EPAS1: variants seen among roughly 807,000 people sequenced by gnomAD.
The protein encoded by EPAS1 is endothelial PAS domain protein 1.
EPAS1 carries 23 observed loss-of-function variants against 87.9 expected under a neutral mutation model. The ratio of observed to expected loss-of-function variants is 0.26; its 90% CI spans 0.19 to 0.37. EPAS1 has a LOEUF of 0.37. EPAS1 is among the 10% of genes least tolerant of loss of function. The pLI is 1.00. For missense variants in EPAS1, 1,138 were observed against 1,120.7 expected (o/e 1.02, Z -0.22); for synonymous variants, 508 against 444.3 (o/e 1.14, Z -1.80).
At chr2:46,355,987 C>A in intron 2 of EPAS1, 164 bp from the exon 3 acceptor site, 1 of 741,686 alleles carries the variant, frequency 1.3e-6, no homozygotes, top group Non-Finnish European at 2.4e-6. Flanking sequence ...TGCAGTGGTG[C>A]CTGCTGCCAG....
At position 46,380,074 on chromosome 2, in the gene EPAS1, T is replaced by G. The variant is rs1684852103; in HGVS notation, c.1555-153T>G. The stretch of plus-strand genomic sequence containing the variant: ...TACATGACACAGCCAAGTCTGAGGT[T>G]TTCCTGATAGGCCCTCGGGAGCCAG... On this transcript the variant is annotated intron_variant, in intron 11 of 15. Transcript: ENST00000263734. The surrounding 1 kb of genome is among the most constrained non-coding windows in gnomAD (Gnocchi z 4.4). 8.7e-6 allele frequency: 11 copies of G among 1,270,414 alleles called. No individual in the cohort carries two copies. The highest frequency in any genetic ancestry group is 2.1e-4 in the Middle Eastern group (1 of 4,832). 78.7% of individuals were successfully genotyped at this position (1,270,414 alleles called of 1,614,324 possible). A position where few individuals can be genotyped will look rare whatever the true frequency, so the allele number is the denominator to read the frequency against.
At chr2:46,327,014 T>C (rs149432456) in intron 1 of EPAS1, among the ~76,000 whole-genome samples, 1 of 152,336 alleles carries the variant, frequency 6.6e-6, no homozygotes, top group African/African-American at 2.4e-5. Context: ...CTGTTGTACC[T>C]ATGTCAGTAG....
At chr2:46,379,540 G>T (rs182142988) in intron 11 of EPAS1, among the ~76,000 whole-genome samples, 1 of 152,304 alleles carries the variant, frequency 6.6e-6, no homozygotes, top group African/African-American at 2.4e-5. Flanking sequence ...GCTCCTTAAA[G>T]ATTGCTTAGT....
chr2:46,382,305 G>A, intron 14 of EPAS1, 120 bp from the exon 15 acceptor site: 1 of 1,349,090 alleles, frequency 7.4e-7, no homozygotes, highest in Non-Finnish European at 1.1e-6. Flanking sequence ...GGTCCTGAAG[G>A]TTGGCTGTAG....
At chr2:46,298,075 AG>A in intron 1 of EPAS1, 138 bp downstream of exon 1, 1 of 1,100,116 alleles carries the variant, frequency 9.1e-7, no homozygotes, top group Non-Finnish European at 1.3e-6. Context: ...GAGGGCTGTG[AG>A]GGGGAGAGCA....
chr2:46,338,732 G>A (rs1218928043), intron 1 of EPAS1, among the ~76,000 whole-genome samples: 1 of 152,216 alleles, frequency 6.6e-6, no homozygotes, highest in African/African-American at 2.4e-5. Context: ...AGGAAGAGAA[G>A]CAGCCTAGAG....
intron 2 of EPAS1, among the ~76,000 whole-genome samples, chr2:46,353,756 GGT>G (rs1234226245): frequency 6.6e-6 from 1 of 152,232 alleles, no homozygotes; most frequent in Non-Finnish European, 1.5e-5. Flanking sequence ...GCAGGGATCA[GGT>G]GTGCGTATGT....
intron 1 of EPAS1, among the ~76,000 whole-genome samples, chr2:46,302,644 A>G (rs1683030905): frequency 6.6e-6 from 1 of 151,670 alleles, no homozygotes; most frequent in African/African-American, 2.4e-5. Context: ...CTTGTATTCA[A>G]CACCGACTCC....
chr2:46,302,757 A>AAG (rs1465144393), intron 1 of EPAS1, among the ~76,000 whole-genome samples: 1 of 143,466 alleles, frequency 7.0e-6, no homozygotes. Flanking sequence ...AAAAAAAAAA[A>AAG]AGAGATACAA....
intron 2 of EPAS1, among the ~76,000 whole-genome samples, chr2:46,348,227 A>T (rs1310990534): frequency 6.6e-6 from 1 of 152,224 alleles, no homozygotes; most frequent in Non-Finnish European, 1.5e-5. Flanking sequence ...ATGTGCAGAC[A>T]AGAGCAGGAG....
At chr2:46,367,638 A>G (rs951053207) in intron 6 of EPAS1, among the ~76,000 whole-genome samples, 4 of 152,258 alleles carry the variant, frequency 2.6e-5, no homozygotes, top group Admixed American at 2.0e-4. Context: ...CTCAGGGCCA[A>G]GCGACGGGAC....
chr2:46,366,046 G>A (rs79816041), intron 6 of EPAS1, among the ~76,000 whole-genome samples: 7 of 152,308 alleles, frequency 4.6e-5, no homozygotes, highest in African/African-American at 1.4e-4. Flanking sequence ...TCCTTTACTC[G>A]TGTAGGGAAC....
In EPAS1 at chr2:46,337,787, A is replaced by G. The variant is rs1341538282; in HGVS notation, c.27-9086A>G. 3.3e-5 allele frequency among the ~76,000 whole-genome samples: 5 copies of G among 152,308 alleles called. No individual in the cohort carries two copies. The East Asian group carries it at 9.6e-4, about 29-fold the overall frequency. On this transcript the variant is annotated intron_variant, in intron 1 of 15. Transcript: ENST00000263734. ...CTTCAAGCCCAGAGAGGTGGCACCAAAGAAAACAGTCTGGTGAGAAGGAAA... is the reference window on the plus strand; with the variant it reads ...CTTCAAGCCCAGAGAGGTGGCACCAGAGAAAACAGTCTGGTGAGAAGGAAA...
At chr2:46,331,910 C>G (rs1683682833) in intron 1 of EPAS1, among the ~76,000 whole-genome samples, 1 of 152,132 alleles carries the variant, frequency 6.6e-6, no homozygotes, top group Admixed American at 6.5e-5. Context: ...GGCTTAAAGT[C>G]TTTCTCTGCT....
rs1175554184 is a variant in EPAS1 at position 46,378,023 on chromosome 2, C to G, written c.1379C>G (p.Pro460Arg). The change falls in exon 10 of 16, where the codon CCC (proline) becomes CGC (arginine). Residue 460 changes from proline to arginine, a missense_variant. This residue lies in a region of EPAS1 where 284 missense variants were observed against 258.4 expected (regional missense o/e 1.10). Transcript: ENST00000263734. ...GGGAGCCTGCCTGCCTTCACCGTGC[C>G]CCAGGCAGCTGCCCCGGGCAGCACC... is the stretch of plus-strand genomic sequence containing the variant. Reference protein sequence around the residue: ...EAGSLPAFTVPQAAAPGSTTP... With the variant: ...EAGSLPAFTVRQAAAPGSTTP... The G allele has an allele frequency of 6.2e-7, 1 of 1,603,598 alleles. No homozygotes were observed. Among genetic ancestry groups the G allele is most frequent in the Non-Finnish European group, 8.5e-7 (1 of 1,175,938 alleles).
chr2:46,384,954 C>G lies in EPAS1; in HGVS notation c.*294C>G. 2.3e-6 allele frequency: 1 copy of G among 431,566 alleles called. No individual in the cohort carries two copies. The highest frequency in any genetic ancestry group is 4.3e-6 in the Non-Finnish European group (1 of 231,378). 26.7% of individuals were successfully genotyped at this position (431,566 alleles called of 1,614,324 possible). On this transcript the variant is annotated 3_prime_UTR_variant, in exon 16 of 16. Transcript: ENST00000263734. ...TCTAATTTATATTATCCATAGGTTT[C>G]TCTCCCTCCTTCTCCTTCTCACACA...
At chr2:46,319,966 C>G (rs1307422413) in intron 1 of EPAS1, among the ~76,000 whole-genome samples, 1 of 152,168 alleles carries the variant, frequency 6.6e-6, no homozygotes, top group Non-Finnish European at 1.5e-5. Context: ...AAATTTGCAA[C>G]AAAATTTGGC....
At chr2:46,330,909 G>A (rs1293156653) in intron 1 of EPAS1, among the ~76,000 whole-genome samples, 1 of 151,966 alleles carries the variant, frequency 6.6e-6, no homozygotes, top group Non-Finnish European at 1.5e-5. Flanking sequence ...ATTCACAACT[G>A]GGGAAACCCT....
At chr2:46,321,163 T>G (rs1159488537) in intron 1 of EPAS1, among the ~76,000 whole-genome samples, 1 of 152,262 alleles carries the variant, frequency 6.6e-6, no homozygotes, top group Non-Finnish European at 1.5e-5. Flanking sequence ...CTTATTTCAC[T>G]TAGCATAATG....
Sources: allele counts gnomAD v4.1 joint callset (sites outside exome capture counted in the v4.1 genomes callset), GRCh38; gene constraint gnomAD v4.1.1; regional missense constraint gnomAD v4.1.1; non-coding constraint Gnocchi (gnomAD v3.1); transcripts MANE v1.5; gene names NCBI Gene and HGNC (gene_info 2026-07-23, HGNC 2026-07-21).